The following SCHIP1 variants were observed in gnomAD, a reference collection of about 807,000 sequenced individuals.
SCHIP1 encodes the protein schwannomin-interacting protein 1.
In SCHIP1, 8 loss-of-function variants were observed where a neutral mutation model predicts 29.7. That is an observed-to-expected ratio of 0.27 (90% CI 0.16 to 0.49). The LOEUF is 0.49. Among genes scored for constraint, SCHIP1 ranks in the 20% least tolerant of loss-of-function variants. The pLI is 0.99. For missense variants in SCHIP1, 193 were observed against 294.6 expected, an observed-to-expected ratio of 0.66 and a Z score of 2.52; for synonymous variants, 76 against 94.9, an observed-to-expected ratio of 0.80 and a Z score of 1.16.
the SCHIP1 span, among the ~76,000 whole-genome samples, chr3:159,654,795 CTT>C: frequency 8.9e-6 from 1 of 111,822 alleles, no homozygotes; most frequent in East Asian, 2.5e-4. Flanking sequence ...TGATCTATGA[CTT>C]TAAGTAAAAA....
chr3:159,551,699 A>G, the SCHIP1 span, among the ~76,000 whole-genome samples: 2 of 152,182 alleles, frequency 1.3e-5, no homozygotes, highest in African/African-American at 2.4e-5. Flanking sequence ...TTATACTGCT[A>G]TATTAAAGTG....
the SCHIP1 span, among the ~76,000 whole-genome samples, chr3:159,505,612 T>TCCCTC: frequency 6.6e-6 from 1 of 152,130 alleles, no homozygotes; most frequent in Non-Finnish European, 1.5e-5. Context: ...CCTAATGCTA[T>TCCCTC]CCCCCTGGCC....
chr3:159,278,037 C>T, the SCHIP1 span, among the ~76,000 whole-genome samples: 1 of 152,268 alleles, frequency 6.6e-6, no homozygotes, highest in African/African-American at 2.4e-5. Flanking sequence ...TAGAAGGGGA[C>T]TCCCTAATGG....
exon 3 of SCHIP1, chr3:159,886,259 G>A: frequency 6.2e-7 from 1 of 1,614,194 alleles, no homozygotes; most frequent in Non-Finnish European, 8.5e-7. Flanking sequence ...CAGTGGCAGT[G>A]ATAAGGACAG....
At chr3:159,302,879 A>G in the SCHIP1 span, among the ~76,000 whole-genome samples, 4 of 152,166 alleles carry the variant, frequency 2.6e-5, no homozygotes, top group African/African-American at 9.7e-5. Flanking sequence ...CAAAGAGAAA[A>G]CCAAATAAGA....
intron 1 of SCHIP1, chr3:159,840,288 T>A: frequency 7.5e-7 from 1 of 1,334,632 alleles, no homozygotes; most frequent in South Asian, 1.2e-5. Flanking sequence ...AGCAGCAGGT[T>A]GCCTCTTTCC....
the SCHIP1 span, among the ~76,000 whole-genome samples, chr3:159,419,372 G>A: frequency 2.0e-5 from 3 of 152,266 alleles, no homozygotes; most frequent in South Asian, 2.1e-4. Context: ...ACTTTTATTT[G>A]TGTGGCTCTC....
chr3:159,883,376 G>A (rs1303144170), intron 2 of SCHIP1, among the ~76,000 whole-genome samples: 2 of 152,044 alleles, frequency 1.3e-5, no homozygotes, highest in African/African-American at 2.4e-5. Context: ...ACAGAGGCCC[G>A]GGGAACTGTG....
At chr3:159,372,824 A>G in the SCHIP1 span, among the ~76,000 whole-genome samples, 3 of 152,230 alleles carry the variant, frequency 2.0e-5, no homozygotes, top group South Asian at 6.2e-4. Context: ...ACACAACCAC[A>G]ACCATTTGTG....
chr3:159,735,966 A>G, the SCHIP1 span, among the ~76,000 whole-genome samples: 1 of 150,888 alleles, frequency 6.6e-6, no homozygotes, highest in Non-Finnish European at 1.5e-5. Flanking sequence ...TGAGAATGAT[A>G]ATAACACTTA....
At chr3:159,776,987 C>T in the SCHIP1 span, among the ~76,000 whole-genome samples, 2 of 152,152 alleles carry the variant, frequency 1.3e-5, no homozygotes, top group Non-Finnish European at 2.9e-5. Flanking sequence ...AAAGGGGCAG[C>T]TGCTGTCACT....
At chr3:159,764,661 GGAGGAGGACGGGGAGGAGGAGGAA>G in the SCHIP1 span, 8 of 1,596,294 alleles carry the variant, frequency 5.0e-6, no homozygotes, top group Non-Finnish European at 6.0e-6. This position sits in a 1 kb window ranked among gnomAD's most constrained non-coding sequence, Gnocchi z 6.1. Context: ...AGTGGGCGCC[GGAGGAGGACGGGGAGGAGGAGGAA>G]GAGGAGGACG....
the SCHIP1 span, among the ~76,000 whole-genome samples, chr3:159,505,332 T>C: frequency 6.6e-6 from 1 of 152,158 alleles, no homozygotes; most frequent in African/African-American, 2.4e-5. Context: ...ATTTTCCAAA[T>C]AATTTGGAAA....
the SCHIP1 span, among the ~76,000 whole-genome samples, chr3:159,504,836 A>G: frequency 1.3e-5 from 2 of 152,108 alleles, no homozygotes; most frequent in African/African-American, 4.8e-5. Flanking sequence ...CTGAGCTGAC[A>G]GTCCACAGGG....
the SCHIP1 span, among the ~76,000 whole-genome samples, chr3:159,506,853 T>C: frequency 1.3e-5 from 2 of 152,246 alleles, no homozygotes; most frequent in African/African-American, 4.8e-5. Context: ...AGTACCATGC[T>C]GTTTTTGTTA....
intron 1 of SCHIP1, chr3:159,840,257 G>A (rs1744105623): frequency 6.7e-7 from 1 of 1,487,850 alleles, no homozygotes; most frequent in African/African-American, 1.4e-5. Context: ...TCCTTTGGGA[G>A]AGGAGGCCTT....
the SCHIP1 span, among the ~76,000 whole-genome samples, chr3:159,751,144 G>T: frequency 2.0e-5 from 3 of 152,156 alleles, no homozygotes; most frequent in Non-Finnish European, 4.4e-5. Context: ...TAAAAAGTAC[G>T]TATGCATTGT....
the SCHIP1 span, among the ~76,000 whole-genome samples, chr3:159,543,132 T>TAG: frequency 1.3e-5 from 2 of 150,454 alleles, no homozygotes; most frequent in Admixed American, 6.6e-5. Context: ...TATATATATA[T>TAG]ATATAGATAT....
chr3:159,502,490 TTTA>T, the SCHIP1 span, among the ~76,000 whole-genome samples: 10 of 152,064 alleles, frequency 6.6e-5, no homozygotes, highest in Admixed American at 2.0e-4. Flanking sequence ...TTTTAAAAAT[TTTA>T]TTATTATTAT....
Sources: allele counts gnomAD v4.1 joint callset (sites outside exome capture counted in the v4.1 genomes callset), GRCh38; gene constraint gnomAD v4.1.1; non-coding constraint Gnocchi (gnomAD v3.1); transcripts MANE v1.5; gene names NCBI Gene and HGNC (gene_info 2026-07-23, HGNC 2026-07-21).